The following PEX10 variants were observed in gnomAD, a reference collection of about 807,000 sequenced individuals.
PEX10 encodes the protein peroxisome biogenesis factor 10.
A neutral mutation model predicts 38.0 loss-of-function variants in PEX10; 32 were observed. The ratio of observed to expected loss-of-function variants is 0.84; its 90% confidence interval spans 0.63 to 1.13. PEX10 has a LOEUF of 1.13. Ranked by LOEUF, PEX10 falls within the 50% of genes most tolerant of loss-of-function variation. PEX10 has a pLI of 0.00. For synonymous variants in PEX10, 206 were observed against 207.3 expected, an observed-to-expected ratio of 0.99 and a Z score of 0.05; for missense variants, 483 against 457.7, an observed-to-expected ratio of 1.06 and a Z score of -0.51.
In PEX10 at chr1:2,406,524, A is replaced by G. The variant is rs1165252852; in HGVS notation, c.872T>C (p.Leu291Pro). The G allele has an allele frequency of 6.2e-7, 1 of 1,613,078 alleles. No individual in the cohort carries two copies. The highest frequency in any genetic ancestry group is 2.2e-5 in the East Asian group (1 of 44,878). The change falls in exon 5 of 6, where the codon CTG becomes CCG. Residue 291 changes from leucine (L) to proline (P), a missense_variant. Leu to Pro is a moderately conservative substitution (Grantham distance 98). Coordinates refer to ENST00000447513, the MANE Select transcript of PEX10 (RefSeq NM_002617.4). ...RHPTATPCGH[L>P]FCWECITAWC... ...CGCGGTGATGCACTCCCAGCAGAAC[A>G]GGTGGCCGCAGGGCGTGGCTGTTGG...
Position 2,405,193 on chromosome 1 carries a change from T to G in PEX10, c.*573A>C. On this transcript the variant is annotated 3_prime_UTR_variant, in exon 6 of 6. Transcript: ENST00000447513. ...CGACGGAGGTGCTGGCCTTGGTTGG[T>G]TTCTCTCTGCCCCGTGTGGTCATCA... is the stretch of plus-strand genomic sequence containing the variant. 1 of 181,044 alleles carries G rather than the reference T, an allele frequency of 5.5e-6. No homozygotes were observed. Among genetic ancestry groups the G allele is most frequent in the African/African-American group, 2.4e-5 (1 of 42,036 alleles). 11.2% of individuals were successfully genotyped at this position (181,044 alleles called of 1,614,324 possible).
chr1:2,411,200 C>A (rs1643191164), intron 1 of PEX10, among the ~76,000 whole-genome samples: 1 of 151,848 alleles, frequency 6.6e-6, no homozygotes, highest in South Asian at 2.1e-4. Context: ...CGACTGCCTG[C>A]CCCACCCCCC....
chr1:2,408,916 C>T, intron 2 of PEX10, 58 bp from the exon 3 acceptor site: 1 of 1,565,938 alleles, frequency 6.4e-7, no homozygotes, highest in Non-Finnish European at 8.7e-7. Flanking sequence ...GGACAGGCTC[C>T]CGGCGCCCCT....
In PEX10 at chr1:2,409,025, C is replaced by T. The variant is rs555696882; in HGVS notation, c.194-167G>A. Among the ~76,000 whole-genome samples the T allele has an allele frequency of 2.6e-5, 4 of 152,178 alleles. No individual in the cohort carries two copies. The highest frequency in any genetic ancestry group is 1.9e-4 in the East Asian group (1 of 5,188). On this transcript the variant is annotated intron_variant, in intron 2 of 5. Transcript: ENST00000447513. This position sits in a 1 kb window ranked among gnomAD's most constrained non-coding sequence, Gnocchi z 6.2. ...GGCTGAGGCCAACATGACCTTCTGT[C>T]GCTAAGCCCACTGTGAGCTCAGGCA...
In PEX10 at chr1:2,406,784, C is replaced by G. The variant is rs61736380; in HGVS notation, c.712G>C (p.Gly238Arg). 1,853 of 1,610,650 alleles carry G rather than the reference C, an allele frequency of 1.2e-3. 4 individuals carry two copies. The highest frequency in any genetic ancestry group is 7.9e-3 in the Middle Eastern group (48 of 6,056). The change falls in exon 4 of 6, where the codon GGT (glycine) becomes CGT (arginine). Residue 238 changes from glycine to arginine, a missense_variant. By Grantham distance (125) the Gly-to-Arg change is moderately radical. Coordinates refer to ENST00000447513, the MANE Select transcript of PEX10 (RefSeq NM_002617.4). The stretch of plus-strand genomic sequence containing the variant: ...CTGGCTCGCTGCCGCTGCCTGAAAC[C>G]GTACAGCTGCAGCCCCATGGACAGC... Reference protein sequence around the residue: ...LVLSMGLQLYGFRQRQRARKE... With the variant: ...LVLSMGLQLYRFRQRQRARKE...
rs760288494 is a variant in PEX10 at position 2,405,759 on chromosome 1, C to T, written c.*7G>A. The T allele has an allele frequency of 1.1e-5, 17 of 1,597,316 alleles. No individual in the cohort carries two copies. The highest frequency in any genetic ancestry group is 1.4e-5 in the Non-Finnish European group (16 of 1,172,486). On this transcript the variant is annotated 3_prime_UTR_variant, in exon 6 of 6. Transcript: ENST00000447513. ...TCATCTGTGTCCAGGCCCACCCGGG[C>T]GCCGGCTCAGCGGTAGTGCCGAAGG...
At position 2,410,165 on chromosome 1, in the gene PEX10, G is replaced by A. The variant is rs888155807; in HGVS notation, c.193+206C>T. 6 of 596,294 alleles carry A rather than the reference G, an allele frequency of 1.0e-5. No individual in the cohort carries two copies. In the Admixed American group the frequency reaches 1.3e-4, roughly 13 times the overall value. The allele number at this position is 596,294 out of a possible 1,614,324, so 36.9% of individuals were successfully genotyped here. On this transcript the variant is annotated intron_variant, in intron 2 of 5. Coordinates refer to ENST00000447513, the MANE Select transcript of PEX10 (RefSeq NM_002617.4). This position sits in a 1 kb window ranked among gnomAD's most constrained non-coding sequence, Gnocchi z 5.1. ...AAAGTCTTAAACAAAGAACCCCAGG[G>A]ACACACAAAGGCTGGAAAAGTCGGC...
intron 1 of PEX10, among the ~76,000 whole-genome samples, chr1:2,411,694 C>T (rs559578551): frequency 2.6e-5 from 4 of 152,286 alleles, no homozygotes; most frequent in African/African-American, 4.8e-5. Flanking sequence ...GCCGCCACCA[C>T]GTCCGGCTAA....
Position 2,410,337 on chromosome 1 carries a change from G to C in PEX10, c.193+34C>G. ...GTCCCCAGACTTGGTGTGTGTGGCTGCCCTCAGTCCTGAGGTCCCGTGGGA... is the reference window on the plus strand; with the variant it reads ...GTCCCCAGACTTGGTGTGTGTGGCTCCCCTCAGTCCTGAGGTCCCGTGGGA... On this transcript the variant is annotated intron_variant, in intron 2 of 5. Coordinates refer to ENST00000447513, the MANE Select transcript of PEX10 (RefSeq NM_002617.4). This position sits in a 1 kb window ranked among gnomAD's most constrained non-coding sequence, Gnocchi z 5.1. The C allele has an allele frequency of 6.4e-7, 1 of 1,562,472 alleles. No individual in the cohort carries two copies. The highest frequency in any genetic ancestry group is 8.8e-7 in the Non-Finnish European group (1 of 1,133,142).
At chr1:2,407,393 C>T (rs965580857) in intron 3 of PEX10, among the ~76,000 whole-genome samples, 12 of 152,232 alleles carry the variant, frequency 7.9e-5, no homozygotes, top group African/African-American at 1.9e-4. Context: ...CTCGGCTTCC[C>T]GTGTCACTTT....
Position 2,410,655 on chromosome 1 carries a change from C to A in PEX10, c.113-204G>T. 1.6e-6 allele frequency: 1 copy of A among 627,082 alleles called. No homozygotes were observed. The highest frequency in any genetic ancestry group is 1.6e-5 in the South Asian group (1 of 64,398). The allele number at this position is 627,082 out of a possible 1,614,324, so 38.8% of individuals were successfully genotyped here. A position where few individuals can be genotyped will look rare whatever the true frequency, so the allele number is the denominator to read the frequency against. On this transcript the variant is annotated intron_variant, in intron 1 of 5. Coordinates refer to ENST00000447513, the MANE Select transcript of PEX10 (RefSeq NM_002617.4). This position sits in a 1 kb window ranked among gnomAD's most constrained non-coding sequence, Gnocchi z 5.1. ...CTTAGCGTGAGCTGCAGACAGTCTG[C>A]GAAGAATCTCCCACCTGTGCTCATC...
In PEX10 at chr1:2,408,645, C is replaced by T. The variant is rs745469808; in HGVS notation, c.407G>A (p.Arg136His). The stretch of plus-strand genomic sequence containing the variant: ...CCAGCGCCGCGCCCCTGAGCAGCCA[C>T]GCCCACCTGGCCCCAGGCTCCCCTG... Reference protein sequence around the residue: ...PLQGSLGPGGRGCSGARRWMR... With the variant: ...PLQGSLGPGGHGCSGARRWMR... Residue 136 changes from arginine (R) to histidine (H), a missense_variant, in exon 3 of 6, where the codon CGT becomes CAT. Coordinates refer to ENST00000447513, the MANE Select transcript of PEX10 (RefSeq NM_002617.4). 21 of 1,610,770 alleles carry T rather than the reference C, an allele frequency of 1.3e-5. No individual in the cohort carries two copies. The highest frequency in any genetic ancestry group is 1.1e-4 in the African/African-American group (8 of 74,898).
intron 3 of PEX10, among the ~76,000 whole-genome samples, chr1:2,407,958 C>A (rs1024390800): frequency 7.3e-6 from 1 of 137,392 alleles, no homozygotes; most frequent in African/African-American, 2.7e-5. Flanking sequence ...GAGGTGCCAA[C>A]GGCTGTGGAG....
rs1557912061 is a variant in PEX10 at position 2,410,712 on chromosome 1, C to G, written c.113-261G>C. On this transcript the variant is annotated intron_variant, in intron 1 of 5. Coordinates refer to ENST00000447513, the MANE Select transcript of PEX10 (RefSeq NM_002617.4). This position sits in a 1 kb window ranked among gnomAD's most constrained non-coding sequence, Gnocchi z 5.1. Reference sequence around the variant, plus strand: ...TCCGGGATTCCCCTGAGCAACTGTTCTAGGGCCTATGAGGGCCACATGGAA... The same window carrying G: ...TCCGGGATTCCCCTGAGCAACTGTTGTAGGGCCTATGAGGGCCACATGGAA... 3 of 570,208 alleles carry G rather than the reference C, an allele frequency of 5.3e-6. No homozygotes were observed. Among genetic ancestry groups the G allele is most frequent in the East Asian group, 4.1e-5 (1 of 24,444 alleles). 35.3% of individuals were successfully genotyped at this position (570,208 alleles called of 1,614,324 possible). A position where few individuals can be genotyped will look rare whatever the true frequency, so the allele number is the denominator to read the frequency against.
rs2100430327 is a variant in PEX10 at position 2,408,873 on chromosome 1, A to G, written c.194-15T>C. ...GGTCTGGTAGCCTGCGAGGAAGAGGATGGGTATGTGGACCCTGAGACTGCT... is the reference window on the plus strand; with the variant it reads ...GGTCTGGTAGCCTGCGAGGAAGAGGGTGGGTATGTGGACCCTGAGACTGCT... On this transcript the variant is annotated splice_polypyrimidine_tract_variant and intron_variant, in intron 2 of 5. Transcript: ENST00000447513. The G allele has an allele frequency of 6.2e-7, 1 of 1,613,660 alleles. No individual in the cohort carries two copies. Among genetic ancestry groups the G allele is most frequent in the Non-Finnish European group, 8.5e-7 (1 of 1,179,730 alleles).
rs2100427960 is a variant in PEX10 at position 2,408,479 on chromosome 1, C to T, written c.573G>A (p.Leu191=). The T allele has an allele frequency of 6.2e-7, 1 of 1,613,028 alleles. No individual in the cohort carries two copies. The highest frequency in any genetic ancestry group is 1.1e-5 in the South Asian group (1 of 91,086). Residue 191 remains leucine, a synonymous_variant, in exon 3 of 6, where the codon CTG becomes CTA. Coordinates refer to ENST00000447513, the MANE Select transcript of PEX10 (RefSeq NM_002617.4). ...ACGTGATCCCCGTGAGCCTCTTGGC[C>T]AGGTGGTAGAAGACACCGTGGATGT... ...WFYIHGVFYH[L]AKRLTGITYL... is the part of the protein sequence containing the mutation.
intron 1 of PEX10, among the ~76,000 whole-genome samples, chr1:2,411,834 C>T (rs2100439260): frequency 6.6e-6 from 1 of 152,386 alleles, no homozygotes; most frequent in African/African-American, 2.4e-5. Context: ...TCATTGAGTA[C>T]ACTGGCTTCT....
At chr1:2,407,149 T>C (rs921680424) in intron 3 of PEX10, among the ~76,000 whole-genome samples, 1 of 152,236 alleles carries the variant, frequency 6.6e-6, no homozygotes, top group Non-Finnish European at 1.5e-5. Context: ...AGAAAGAGTC[T>C]TAGCTATGAG....
chr1:2,412,659 G>A, upstream of PEX10: 1 of 501,556 alleles, frequency 2.0e-6, no homozygotes, highest in Non-Finnish European at 3.1e-6. Context: ...GCGGGGCCAG[G>A]GCCCGGGCGG....
Sources: gnomAD v4.1 joint callset for allele counts (sites outside exome capture counted in the v4.1 genomes callset) on GRCh38, gnomAD v4.1.1 for gene constraint, Gnocchi (gnomAD v3.1) non-coding constraint, MANE v1.5 for transcripts, NCBI Gene and HGNC (gene_info 2026-07-23, HGNC 2026-07-21) for gene names.